The following ZNF608 variants were observed in gnomAD, a reference collection of about 807,000 sequenced individuals.
ZNF608 encodes the protein zinc finger protein 608, also known as renal carcinoma antigen NY-REN-36.
A neutral mutation model predicts 109.0 loss-of-function variants in ZNF608; 12 were observed. The ratio of observed to expected loss-of-function variants is 0.11; its 90% CI spans 0.07 to 0.18. The LOEUF (loss-of-function observed/expected upper bound fraction) is 0.18. Ranked by LOEUF, ZNF608 falls within the 10% of genes least tolerant of loss-of-function variation. ZNF608 has a pLI of 1.00. For synonymous variants in ZNF608, 732 were observed against 717.4 expected (o/e 1.02, Z -0.33); for missense variants, 1,707 against 1,879.3 (o/e 0.91, Z 1.70).
In ZNF608 at chr5:124,719,984, T is replaced by TA. The variant is rs541186676; in HGVS notation, c.907-18716dup. 1.2e-4 allele frequency among the ~76,000 whole-genome samples: 19 copies of TA among 152,310 alleles called. No individual in the cohort carries two copies. In the South Asian group the frequency reaches 3.7e-3, roughly 30 times the overall value. On this transcript the variant is annotated intron_variant, in intron 2 of 9. Coordinates refer to ENST00000513986, the MANE Select transcript of ZNF608 (RefSeq NM_020747.3). ...GAGCCAGAGCAATGACATACTCTCT[T>TA]ATGATCGTTGAAGTCTGTCAAAACA...
At chr5:124,748,207 A>T (rs1196780502), upstream of ZNF608, among the ~76,000 whole-genome samples, 1 of 152,170 alleles carries the variant, frequency 6.6e-6, no homozygotes, top group Non-Finnish European at 1.5e-5. Context: ...CAGCTAGGAC[A>T]GAAGAGGGAG....
chr5:124,724,410 G>C (rs1333581312), intron 2 of ZNF608, among the ~76,000 whole-genome samples: 1 of 141,624 alleles, frequency 7.1e-6, no homozygotes, highest in Non-Finnish European at 1.5e-5. Context: ...TAGTCAAAAA[G>C]TAATAAATGC....
rs1749641408 is a variant in ZNF608, at chr5:124,746,395, TCC to T, written c.-386_-385del. The T allele has an allele frequency of 1.0e-6, 1 of 985,150 alleles. No homozygotes were observed. Among genetic ancestry groups the T allele is most frequent in the South Asian group, 4.7e-5 (1 of 21,282 alleles). 61.0% of individuals were successfully genotyped at this position (985,150 alleles called of 1,614,324 possible). ...ACCCCCCTTTTGGCAAACGAATCAG[TCC>T]TTTTCTCCTTAAAAAAAATGTGTCA... On this transcript the variant is annotated 5_prime_UTR_variant, in exon 1 of 10. Transcript: ENST00000513986.
At chr5:124,718,367 A>G in intron 2 of ZNF608, among the ~76,000 whole-genome samples, 1 of 152,372 alleles carries the variant, frequency 6.6e-6, no homozygotes, top group Middle Eastern at 3.4e-3. Context: ...AGAATCATGA[A>G]ATGCCTCTGG....
intron 3 of ZNF608, among the ~76,000 whole-genome samples, chr5:124,690,628 G>A (rs1334026545): frequency 6.6e-6 from 1 of 151,936 alleles, no homozygotes; most frequent in Non-Finnish European, 1.5e-5. Context: ...CAGGAAGATC[G>A]CTTGAACCCA....
At chr5:124,653,350 G>T (rs1001568440) in intron 3 of ZNF608, among the ~76,000 whole-genome samples, 3 of 152,166 alleles carry the variant, frequency 2.0e-5, no homozygotes, top group African/African-American at 7.2e-5. Context: ...TCAGTGTTCT[G>T]TTATGTCCTT....
At chr5:124,661,435 T>G (rs952851179) in intron 3 of ZNF608, among the ~76,000 whole-genome samples, 1 of 150,176 alleles carries the variant, frequency 6.7e-6, no homozygotes, top group Non-Finnish European at 1.5e-5. Flanking sequence ...GAGGCTGCCT[T>G]CCCACCCTCC....
At chr5:124,686,284 G>T (rs2095400580) in intron 3 of ZNF608, among the ~76,000 whole-genome samples, 1 of 152,118 alleles carries the variant, frequency 6.6e-6, no homozygotes, top group African/African-American at 2.4e-5. Flanking sequence ...ATGCCCTTCG[G>T]TCACCCTATC....
In ZNF608 at chr5:124,648,502, G is replaced by A; in HGVS notation, c.1882C>T (p.Pro628Ser). 1.2e-6 allele frequency: 2 copies of A among 1,614,178 alleles called. No individual in the cohort carries two copies. The highest frequency in any genetic ancestry group is 1.7e-6 in the Non-Finnish European group (2 of 1,180,038). Residue 628 changes from proline (P) to serine (S), a missense_variant, in exon 5 of 10, where the codon CCT (proline) becomes TCT (serine). By Grantham distance (74) the Pro-to-Ser change is moderately conservative (BLOSUM62 -1). Around this residue, in one of 7 missense-constraint regions of ZNF608, gnomAD observed 1,073 missense variants for 1,133.5 expected, o/e 0.95. Transcript: ENST00000513986. Reference protein sequence around the residue: ...AYDQLKAPASPGAGNPPGTPK... With the variant: ...AYDQLKAPASSGAGNPPGTPK... ...GTCCCAGGTGGGTTTCCAGCACCAGGGGATGCCGGTGCCTTCAACTGGTCA... is the reference window on the plus strand; with the variant it reads ...GTCCCAGGTGGGTTTCCAGCACCAGAGGATGCCGGTGCCTTCAACTGGTCA...
At chr5:124,711,672 C>T (rs1013646337) in intron 2 of ZNF608, among the ~76,000 whole-genome samples, 1 of 152,160 alleles carries the variant, frequency 6.6e-6, no homozygotes, top group Admixed American at 6.5e-5. Flanking sequence ...CCACAATGTG[C>T]CAAAGGTGGG....
chr5:124,694,142 A>T (rs1400665249), intron 3 of ZNF608, among the ~76,000 whole-genome samples: 3 of 63,938 alleles, frequency 4.7e-5, no homozygotes, highest in Admixed American at 2.7e-4. Flanking sequence ...CGCTCGGCTA[A>T]TTTTTTTTTT....
At chr5:124,682,985 A>G (rs1274417306) in intron 3 of ZNF608, among the ~76,000 whole-genome samples, 1 of 151,522 alleles carries the variant, frequency 6.6e-6, no homozygotes, top group Non-Finnish European at 1.5e-5. Flanking sequence ...AAGTTATTCC[A>G]AGACTATGAA....
rs1749557901 is a variant in ZNF608, at chr5:124,744,444, G to A, written c.546C>T (p.Gly182=). 1.2e-6 allele frequency: 2 copies of A among 1,614,102 alleles called. No homozygotes were observed. The highest frequency in any genetic ancestry group is 1.1e-5 in the South Asian group (1 of 91,094). ...TCTCCTCTTTGCTTTTCCCACAGGA[G>A]CCTGCCCCCGCGGTGGCGGCAGAGG... is the stretch of plus-strand genomic sequence containing the variant. The part of the protein sequence containing the change: ...TSTSAATAGA[G]SCGKSKEEKP... Residue 182 remains glycine, a synonymous_variant, in exon 2 of 10, where the codon GGC becomes GGT. Coordinates refer to ENST00000513986, the MANE Select transcript of ZNF608 (RefSeq NM_020747.3). The surrounding 1 kb of genome is among the most constrained non-coding windows in gnomAD (Gnocchi z 4.5).
At position 124,698,612 on chromosome 5, in the gene ZNF608, A is replaced by T. The variant is rs189889129; in HGVS notation, c.1162+2402T>A. 2.4e-3 allele frequency among the ~76,000 whole-genome samples: 367 copies of T among 152,354 alleles called. 1 individual carries two copies. Among genetic ancestry groups the T allele is most frequent in the Middle Eastern group, 6.8e-3 (2 of 294 alleles). On this transcript the variant is annotated intron_variant, in intron 3 of 9. Transcript: ENST00000513986. Reference sequence around the variant, plus strand: ...ACAGAGCACGTATAAAGGCAGTTGGACTCAGGAGACCAGTTTTTCAGAGGA... The same window carrying T: ...ACAGAGCACGTATAAAGGCAGTTGGTCTCAGGAGACCAGTTTTTCAGAGGA...
chr5:124,663,132 C>T (rs1399971581), intron 3 of ZNF608, among the ~76,000 whole-genome samples: 2 of 152,202 alleles, frequency 1.3e-5, no homozygotes, highest in African/African-American at 2.4e-5. Context: ...CAGCCAGCAA[C>T]AGACTGGATA....
chr5:124,741,905 C>CA (rs1380798645), intron 2 of ZNF608, among the ~76,000 whole-genome samples: 2 of 152,162 alleles, frequency 1.3e-5, no homozygotes, highest in Non-Finnish European at 2.9e-5. Flanking sequence ...GCCAACACTA[C>CA]AGGATCCAAG....
At position 124,745,181 on chromosome 5, in the gene ZNF608, G is replaced by C. The variant is rs569802734; in HGVS notation, c.-183-9C>G. 295 of 1,329,270 alleles carry C rather than the reference G, an allele frequency of 2.2e-4. No individual in the cohort carries two copies. The highest frequency in any genetic ancestry group is 2.9e-4 in the Admixed American group (7 of 24,522). 82.3% of individuals were successfully genotyped at this position (1,329,270 alleles called of 1,614,324 possible). A position where few individuals can be genotyped will look rare whatever the true frequency, so the allele number is the denominator to read the frequency against. On this transcript the variant is annotated splice_polypyrimidine_tract_variant and intron_variant, in intron 1 of 9. Transcript: ENST00000513986. ...TCCAGGTCCACCTTTTCCTGTGAAG[G>C]GGGGGGGAAAAGTCGAATATTTCTT...
At chr5:124,703,835 T>C (rs1753153228) in intron 2 of ZNF608, among the ~76,000 whole-genome samples, 1 of 152,038 alleles carries the variant, frequency 6.6e-6, no homozygotes, top group Admixed American at 6.6e-5. Context: ...ACATATCCTA[T>C]CACAACAGCT....
chr5:124,685,861 T>G (rs1752391947), intron 3 of ZNF608, among the ~76,000 whole-genome samples: 1 of 152,148 alleles, frequency 6.6e-6, no homozygotes, highest in African/African-American at 2.4e-5. Flanking sequence ...AGTCATAGAT[T>G]CCCCCATACT....
Sources: gnomAD v4.1 joint callset for allele counts (sites outside exome capture counted in the v4.1 genomes callset) on GRCh38, gnomAD v4.1.1 for gene constraint, gnomAD v4.1.1 regional missense constraint, Gnocchi (gnomAD v3.1) non-coding constraint, MANE v1.5 for transcripts, NCBI Gene and HGNC (gene_info 2026-07-23, HGNC 2026-07-21) for gene names.